The following GRM3 variants were observed in gnomAD, a reference collection of about 807,000 sequenced individuals.
GRM3 encodes the protein metabotropic glutamate receptor 3.
Under a neutral mutation model 70.5 loss-of-function variants are expected in GRM3, and 26 were observed. That is an observed-to-expected ratio of 0.37 (90% confidence interval 0.27 to 0.51). The LOEUF (loss-of-function observed/expected upper bound fraction) is 0.51, where lower values mean the gene tolerates loss of function less well. GRM3 is among the 20% of genes least tolerant of loss of function. The pLI, the probability that GRM3 is intolerant of heterozygous loss-of-function variation, is 0.93. For missense variants in GRM3, 859 were observed against 1,123.8 expected (o/e 0.76, Z 3.37); for synonymous variants, 443 against 434.9 (o/e 1.02, Z -0.23).
chr7:86,648,556 G>A (rs1793533686), intron 1 of GRM3, among the ~76,000 whole-genome samples: 1 of 152,080 alleles, frequency 6.6e-6, no homozygotes, highest in African/African-American at 2.4e-5. Context: ...AGGATTGGCA[G>A]TAGCCCCTTT....
chr7:86,672,741 C>T (rs563953432), intron 1 of GRM3, among the ~76,000 whole-genome samples: 1 of 152,254 alleles, frequency 6.6e-6, no homozygotes, highest in Non-Finnish European at 1.5e-5. Context: ...CAGCTCCAGC[C>T]AGAACCTTAG....
intron 1 of GRM3, among the ~76,000 whole-genome samples, chr7:86,667,055 G>A (rs974595532): frequency 6.6e-5 from 10 of 152,108 alleles, no homozygotes; most frequent in Admixed American, 6.6e-4. Context: ...CAGTACCTCT[G>A]ACAGGAAGGA....
intron 3 of GRM3, among the ~76,000 whole-genome samples, chr7:86,788,590 G>A (rs929564623): frequency 1.3e-5 from 2 of 152,164 alleles, no homozygotes; most frequent in African/African-American, 4.8e-5. Context: ...AATAAAAAGA[G>A]TAATAAATGA....
At chr7:86,751,373 C>A (rs1298714523) in intron 1 of GRM3, among the ~76,000 whole-genome samples, 1 of 152,092 alleles carries the variant, frequency 6.6e-6, no homozygotes, top group African/African-American at 2.4e-5. Context: ...AGAGTCCCAA[C>A]AAACTTCATT....
chr7:86,726,539 A>G (rs1313746097), intron 1 of GRM3, among the ~76,000 whole-genome samples: 1 of 152,046 alleles, frequency 6.6e-6, no homozygotes, highest in Non-Finnish European at 1.5e-5. Flanking sequence ...TCCTCTCCAA[A>G]TTCTTTTCTG....
chr7:86,713,129 T>G (rs1795236359), intron 1 of GRM3, among the ~76,000 whole-genome samples: 1 of 152,034 alleles, frequency 6.6e-6, no homozygotes, highest in Non-Finnish European at 1.5e-5. Context: ...TATAGCCTCA[T>G]CAGCATCTAT....
At chr7:86,702,019 G>T (rs1794956286) in intron 1 of GRM3, among the ~76,000 whole-genome samples, 1 of 151,944 alleles carries the variant, frequency 6.6e-6, no homozygotes, top group East Asian at 1.9e-4. Flanking sequence ...ATATCTGAGA[G>T]CCAAGACTAG....
chr7:86,842,587 C>A (rs191239415), intron 4 of GRM3, among the ~76,000 whole-genome samples: 1 of 152,098 alleles, frequency 6.6e-6, no homozygotes, highest in South Asian at 2.1e-4. Context: ...AGAGGAAAAT[C>A]GTGTGGTTCG....
intron 3 of GRM3, among the ~76,000 whole-genome samples, chr7:86,816,160 G>T (rs1798010581): frequency 6.6e-6 from 1 of 151,794 alleles, no homozygotes; most frequent in South Asian, 2.1e-4. Flanking sequence ...TGCAGAGTAG[G>T]CACTCCAGCC....
Position 86,652,902 on chromosome 7 carries a change from G to A in GRM3, c.-141+8030G>A, listed in dbSNP as rs181296798. 3.9e-3 allele frequency among the ~76,000 whole-genome samples: 596 copies of A among 152,260 alleles called. 6 individuals carry two copies. The highest frequency in any genetic ancestry group is 6.9e-3 in the Non-Finnish European group (467 of 68,018). ...ACATGCATCCCAGGCTAATTGAAACGAATGTCATATAGATTGAAGTTTTGG... is the reference window on the plus strand; with the variant it reads ...ACATGCATCCCAGGCTAATTGAAACAAATGTCATATAGATTGAAGTTTTGG... On this transcript the variant is annotated intron_variant, in intron 1 of 5. Transcript: ENST00000361669.
chr7:86,797,501 A>C (rs1034918101), intron 3 of GRM3, among the ~76,000 whole-genome samples: 11 of 152,230 alleles, frequency 7.2e-5, no homozygotes, highest in Non-Finnish European at 1.5e-4. Context: ...ATTTCTAAGC[A>C]GTTCAAAATG....
At position 86,864,692 on chromosome 7, in the gene GRM3, CA is replaced by C. The variant is rs1799031038; in HGVS notation, c.*339del. The C allele has an allele frequency of 5.4e-6, 1 of 184,934 alleles. No individual in the cohort carries two copies. The highest frequency in any genetic ancestry group is 6.0e-5 in the Admixed American group (1 of 16,726). The allele number at this position is 184,934 out of a possible 1,614,324, so 11.5% of individuals were successfully genotyped here. A position where few individuals can be genotyped will look rare whatever the true frequency, so the allele number is the denominator to read the frequency against. ...AAAGAAAAAAATAAAAATACGGTGG[CA>C]ATATTATGTAACCTTTTTTCCTATG... On this transcript the variant is annotated 3_prime_UTR_variant, in exon 6 of 6. Transcript: ENST00000361669.
intron 5 of GRM3, among the ~76,000 whole-genome samples, chr7:86,856,452 CAAA>C (rs572172399): frequency 5.9e-5 from 4 of 67,560 alleles, no homozygotes; most frequent in African/African-American, 1.4e-4. Context: ...TCGCCCTCTG[CAAA>C]AAAAAAAAAA....
intron 1 of GRM3, among the ~76,000 whole-genome samples, chr7:86,743,657 A>T (rs1053976371): frequency 2.0e-5 from 3 of 152,148 alleles, no homozygotes; most frequent in African/African-American, 7.2e-5. Flanking sequence ...ATTGATTGAA[A>T]TAAAAAAGTT....
chr7:86,771,426 C>T (rs974611206), intron 2 of GRM3, among the ~76,000 whole-genome samples: 7 of 151,950 alleles, frequency 4.6e-5, no homozygotes, highest in African/African-American at 1.7e-4. Flanking sequence ...TTGCAAATGC[C>T]ATGAATTAAG....
chr7:86,819,812 A>G (rs1200390428), intron 3 of GRM3, among the ~76,000 whole-genome samples: 1 of 152,184 alleles, frequency 6.6e-6, no homozygotes, highest in Non-Finnish European at 1.5e-5. Context: ...AAAATAGTCA[A>G]AAATTCTCTT....
chr7:86,824,181 G>A (rs1416660802), intron 3 of GRM3, among the ~76,000 whole-genome samples: 2 of 152,196 alleles, frequency 1.3e-5, no homozygotes, highest in African/African-American at 4.8e-5. Context: ...TTCAGAGAAT[G>A]TTAGATTCAC....
At chr7:86,671,275 CTACT>C (rs1350954697) in intron 1 of GRM3, among the ~76,000 whole-genome samples, 1 of 152,168 alleles carries the variant, frequency 6.6e-6, no homozygotes, top group Non-Finnish European at 1.5e-5. Context: ...TTAATAGCAC[CTACT>C]TACTTCAGTG....
intron 3 of GRM3, among the ~76,000 whole-genome samples, chr7:86,820,219 T>A (rs946494104): frequency 6.6e-6 from 1 of 152,144 alleles, no homozygotes; most frequent in African/African-American, 2.4e-5. Context: ...GACTGGATAT[T>A]CGAAAACCAA....
Sources: gnomAD v4.1 joint callset for allele counts (sites outside exome capture counted in the v4.1 genomes callset) on GRCh38, gnomAD v4.1.1 for gene constraint, MANE v1.5 for transcripts, NCBI Gene and HGNC (gene_info 2026-07-23, HGNC 2026-07-21) for gene names.